The following ELK3 variants were observed in gnomAD, a reference collection of about 807,000 sequenced individuals.
ELK3 encodes the protein ETS domain-containing protein Elk-3.
ELK3 carries 10 observed loss-of-function variants against 28.9 expected under a neutral mutation model. That is an observed-to-expected ratio of 0.35 (90% confidence interval 0.21 to 0.59). ELK3 has a LOEUF of 0.59. Ranked by LOEUF, ELK3 falls within the 20% of genes least tolerant of loss-of-function variation. The probability of loss-of-function intolerance (pLI) is 0.82; values close to 1 mark genes in which losing one functional copy is unlikely to be tolerated. For missense variants in ELK3, 463 were observed against 517.3 expected (o/e 0.90, Z 1.02); for synonymous variants, 272 against 243.5 (o/e 1.12, Z -1.09).
intron 1 of ELK3, among the ~76,000 whole-genome samples, chr12:96,214,467 C>A (rs1423411777): frequency 8.0e-5 from 12 of 150,228 alleles, no homozygotes; most frequent in Non-Finnish European, 1.6e-4. Flanking sequence ...AAAAAAAAAA[C>A]AGCAAAAACC....
At chr12:96,212,596 G>A (rs1434236417) in intron 1 of ELK3, 2 of 152,200 alleles carry the variant, frequency 1.3e-5, no homozygotes, top group African/African-American at 4.8e-5. Flanking sequence ...GGTGGATGTG[G>A]TTAACCAAGC....
chr12:96,211,172 C>G (rs188331768), intron 1 of ELK3, among the ~76,000 whole-genome samples: 1 of 152,268 alleles, frequency 6.6e-6, no homozygotes, highest in East Asian at 1.9e-4. Flanking sequence ...AAGTGGTCAT[C>G]AAATTTAATT....
At chr12:96,244,005 CAAAA>C (rs146090608) in intron 2 of ELK3, among the ~76,000 whole-genome samples, 3 of 111,126 alleles carry the variant, frequency 2.7e-5, no homozygotes, top group African/African-American at 3.4e-5. Flanking sequence ...GACTCCATCT[CAAAA>C]AAAAAAAAAA....
intron 1 of ELK3, among the ~76,000 whole-genome samples, chr12:96,214,510 A>C (rs1453894601): frequency 6.6e-6 from 1 of 152,274 alleles, no homozygotes; most frequent in East Asian, 1.9e-4. Flanking sequence ...TAAATAGGTG[A>C]GCAATACCTA....
Position 96,269,118 on chromosome 12 carries a change from G to A in ELK3, c.*1938G>A, listed in dbSNP as rs1201001488. On this transcript the variant is annotated 3_prime_UTR_variant, in exon 5 of 5. Transcript: ENST00000228741. ...GCTGGGAGTTGCCTATGGCTGCACA[G>A]CTCACTGAAGGTAGAACAATGATTG... 1 of 152,194 alleles carries A rather than the reference G, an allele frequency of 6.6e-6. No homozygotes were observed. Among genetic ancestry groups the A allele is most frequent in the Non-Finnish European group, 1.5e-5 (1 of 68,040 alleles). The allele number at this position is 152,194 out of a possible 1,614,324, so 9.4% of individuals were successfully genotyped here.
intron 3 of ELK3, among the ~76,000 whole-genome samples, chr12:96,255,948 T>G (rs1044262540): frequency 6.6e-6 from 1 of 152,126 alleles, no homozygotes; most frequent in Non-Finnish European, 1.5e-5. Flanking sequence ...AGATAAAAAA[T>G]GAGAGCTTAG....
intron 1 of ELK3, among the ~76,000 whole-genome samples, chr12:96,206,296 T>C (rs1044575960): frequency 6.6e-6 from 1 of 152,136 alleles, no homozygotes; most frequent in Non-Finnish European, 1.5e-5. Context: ...TTTCTTTCTC[T>C]TCTTTCTCTT....
At chr12:96,236,694 C>T (rs529564574) in intron 2 of ELK3, among the ~76,000 whole-genome samples, 22 of 152,330 alleles carry the variant, frequency 1.4e-4, no homozygotes, top group African/African-American at 5.3e-4. Flanking sequence ...CTAGTTGCAC[C>T]CCAGTGGCGG....
At chr12:96,228,770 A>C (rs1475290515) in intron 2 of ELK3, among the ~76,000 whole-genome samples, 2 of 152,130 alleles carry the variant, frequency 1.3e-5, no homozygotes, top group Non-Finnish European at 2.9e-5. Flanking sequence ...GACTGGTGGG[A>C]GCTTTGTATC....
rs1952049902 is a variant in ELK3, at chr12:96,267,856, T to A, written c.*676T>A. The A allele has an allele frequency of 6.6e-6, 1 of 152,560 alleles. No homozygotes were observed. The highest frequency in any genetic ancestry group is 2.4e-5 in the African/African-American group (1 of 41,420). The allele number at this position is 152,560 out of a possible 1,614,324, so 9.5% of individuals were successfully genotyped here. A position where few individuals can be genotyped will look rare whatever the true frequency, so the allele number is the denominator to read the frequency against. On this transcript the variant is annotated 3_prime_UTR_variant, in exon 5 of 5. Coordinates refer to ENST00000228741, the MANE Select transcript of ELK3 (RefSeq NM_005230.4). ...ATAAAAGAAAATGTTCTAAAGTACA[T>A]TTTCAAAAGAATGGACCTTGAAAGG...
At chr12:96,261,052 A>G (rs7310421) in intron 4 of ELK3, among the ~76,000 whole-genome samples, 40,103 of 152,114 alleles carry the variant, frequency 0.26, 5,768 homozygotes, top group Middle Eastern at 0.33. Flanking sequence ...AGTCTGAGAA[A>G]GGCCAGTATT....
intron 1 of ELK3, among the ~76,000 whole-genome samples, chr12:96,201,694 T>C (rs759720998): frequency 2.4e-4 from 37 of 151,976 alleles, no homozygotes; most frequent in Non-Finnish European, 3.8e-4. Flanking sequence ...TCTTGACTCC[T>C]AAGAGTTGTG....
intron 3 of ELK3, among the ~76,000 whole-genome samples, chr12:96,258,930 G>A (rs1312572428): frequency 1.3e-5 from 2 of 152,190 alleles, no homozygotes; most frequent in African/African-American, 4.8e-5. Context: ...CTTCTGAAGA[G>A]GCTGCTACAG....
At chr12:96,229,523 CTTTTTTTTTTTTTT>C (rs10578974) in intron 2 of ELK3, among the ~76,000 whole-genome samples, 3 of 66,272 alleles carry the variant, frequency 4.5e-5, no homozygotes, top group African/African-American at 6.7e-5. Flanking sequence ...CCAGATTTTC[CTTTTTTTTTTTTTT>C]TTTTTTTTTT....
intron 1 of ELK3, among the ~76,000 whole-genome samples, chr12:96,208,610 G>A (rs1217644489): frequency 1.3e-5 from 2 of 152,172 alleles, no homozygotes; most frequent in African/African-American, 2.4e-5. Flanking sequence ...GCAGGCACTG[G>A]TGAGGAGAGA....
At chr12:96,243,757 G>A (rs143744738) in intron 2 of ELK3, among the ~76,000 whole-genome samples, 7,227 of 151,996 alleles carry the variant, frequency 0.048, 252 homozygotes, top group Middle Eastern at 0.085. Context: ...GCAGGAGAAT[G>A]GCGTGAATCA....
Position 96,228,442 on chromosome 12 carries a change from A to AAAAAAAAAAG in ELK3, c.207+4671_207+4672insAAAAAAAGAA, listed in dbSNP as rs761298726. ...AAAAAAAAAAAAAAAAAAAAAAAAA[A>AAAAAAAAAAG]AAGAAGATCAAAACCTTTGTTGCTA... On this transcript the variant is annotated intron_variant, in intron 2 of 4. Coordinates refer to ENST00000228741, the MANE Select transcript of ELK3 (RefSeq NM_005230.4). 2.1e-5 allele frequency among the ~76,000 whole-genome samples: 3 copies of AAAAAAAAAAG among 142,636 alleles called. 1 individual carries two copies. The highest frequency in any genetic ancestry group is 1.5e-4 in the Admixed American group (2 of 13,406). 93.6% of individuals were successfully genotyped at this position (142,636 alleles called of 152,430 possible).
chr12:96,195,663 A>G (rs1224276966), intron 1 of ELK3, among the ~76,000 whole-genome samples: 2 of 149,776 alleles, frequency 1.3e-5, no homozygotes, highest in African/African-American at 2.5e-5. Flanking sequence ...TTTTAGAAAG[A>G]AAAAAAAACG....
Position 96,269,800 on chromosome 12 carries a change from A to C in ELK3, c.*2620A>C, listed in dbSNP as rs980967675. 1.3e-5 allele frequency: 2 copies of C among 152,154 alleles called. No homozygotes were observed. The highest frequency in any genetic ancestry group is 2.9e-5 in the Non-Finnish European group (2 of 68,032). 9.4% of individuals were successfully genotyped at this position (152,154 alleles called of 1,614,324 possible). A position where few individuals can be genotyped will look rare whatever the true frequency, so the allele number is the denominator to read the frequency against. On this transcript the variant is annotated 3_prime_UTR_variant, in exon 5 of 5. Coordinates refer to ENST00000228741, the MANE Select transcript of ELK3 (RefSeq NM_005230.4). The stretch of plus-strand genomic sequence containing the variant: ...TTTTACTGTCATATTATTTTTGTTC[A>C]ATAAAAACTTTGTGATAAAAGGTGT...
Sources: allele counts gnomAD v4.1 joint callset (sites outside exome capture counted in the v4.1 genomes callset), GRCh38; gene constraint gnomAD v4.1.1; transcripts MANE v1.5; gene names NCBI Gene and HGNC (gene_info 2026-07-23, HGNC 2026-07-21).